The following FBLN2 variants were observed in gnomAD, a reference collection of about 807,000 sequenced individuals.
The protein encoded by FBLN2 is fibulin-2.
Under a neutral mutation model 123.7 loss-of-function variants are expected in FBLN2, and 81 were observed. The ratio of observed to expected loss-of-function variants is 0.65; its 90% confidence interval spans 0.55 to 0.79. FBLN2 has a LOEUF of 0.79. Among genes scored for constraint, FBLN2 ranks in the 30% least tolerant of loss-of-function variants. The pLI, the probability that FBLN2 is intolerant of heterozygous loss-of-function variation, is 0.00. For missense variants in FBLN2, 1,603 were observed against 1,681.3 expected (o/e 0.95, Z 0.81); for synonymous variants, 699 against 701.4 (o/e 1.00, Z 0.05).
intron 2 of FBLN2, among the ~76,000 whole-genome samples, chr3:13,582,541 C>T (rs1354528034): frequency 3.9e-5 from 6 of 152,200 alleles, no homozygotes; most frequent in African/African-American, 9.7e-5. Context: ...GTCCACTCCT[C>T]GGCCTCCATG....
intron 9 of FBLN2, among the ~76,000 whole-genome samples, chr3:13,623,247 C>T (rs573995024): frequency 6.6e-6 from 1 of 152,320 alleles, no homozygotes; most frequent in South Asian, 2.1e-4. Context: ...CGGATCCCAC[C>T]AGGGCCCACG....
rs113888133 is a variant in FBLN2 at position 13,630,610 on chromosome 3, T to C, written c.2969-89T>C. ...TCAACCCCAGTCCAGGCCGGGGAGCTTGGTGGGCCTGGCTGTCAGACAGCA... is the reference window on the plus strand; with the variant it reads ...TCAACCCCAGTCCAGGCCGGGGAGCCTGGTGGGCCTGGCTGTCAGACAGCA... On this transcript the variant is annotated intron_variant, in intron 14 of 17. Transcript: ENST00000404922. 1.8e-3 allele frequency: 1,927 copies of C among 1,094,196 alleles called. 32 individuals are homozygous for C. In the African/African-American group the frequency reaches 0.027, roughly 15 times the overall value. 67.8% of individuals were successfully genotyped at this position (1,094,196 alleles called of 1,614,324 possible).
At chr3:13,586,133 G>A (rs1012912233) in intron 2 of FBLN2, among the ~76,000 whole-genome samples, 40 of 152,192 alleles carry the variant, frequency 2.6e-4, no homozygotes, top group African/African-American at 7.7e-4. Flanking sequence ...TGATGATCCT[G>A]ACCCTGTGTA....
chr3:13,603,807 G>A (rs1705117448), intron 2 of FBLN2, among the ~76,000 whole-genome samples: 1 of 152,202 alleles, frequency 6.6e-6, no homozygotes, highest in South Asian at 2.1e-4. Context: ...CTGAGCAATC[G>A]CCATACTGTC....
chr3:13,599,270 A>AC (rs1443099615), intron 2 of FBLN2, among the ~76,000 whole-genome samples: 2 of 152,084 alleles, frequency 1.3e-5, no homozygotes, highest in African/African-American at 4.8e-5. Context: ...AGGAGGAGAG[A>AC]CCCCCAGAAA....
At chr3:13,581,063 A>G (rs9830334) in intron 2 of FBLN2, among the ~76,000 whole-genome samples, 13,058 of 152,230 alleles carry the variant, frequency 0.086, 1,033 homozygotes, top group East Asian at 0.31. Flanking sequence ...GATTAGAAAC[A>G]CACAGGTGTT....
intron 2 of FBLN2, among the ~76,000 whole-genome samples, chr3:13,584,895 G>A (rs1209265358): frequency 6.6e-6 from 1 of 152,244 alleles, no homozygotes; most frequent in African/African-American, 2.4e-5. Context: ...GAGATGCCAT[G>A]TTGGCGGTGG....
chr3:13,586,260 C>T (rs1409841199), intron 2 of FBLN2, among the ~76,000 whole-genome samples: 2 of 152,122 alleles, frequency 1.3e-5, no homozygotes, highest in African/African-American at 4.8e-5. Flanking sequence ...TCTCAGCTCA[C>T]TGCAACCTCT....
chr3:13,592,128 T>G (rs938958014), intron 2 of FBLN2, among the ~76,000 whole-genome samples: 7 of 151,098 alleles, frequency 4.6e-5, no homozygotes, highest in Non-Finnish European at 8.8e-5. Flanking sequence ...GTTCAAGCGA[T>G]CCTCCTTCTG....
At position 13,626,843 on chromosome 3, in the gene FBLN2, T is replaced by G. The variant is rs570725560; in HGVS notation, c.2431+264T>G. Among the ~76,000 whole-genome samples, 17 of 152,294 alleles carry G rather than the reference T, an allele frequency of 1.1e-4. No individual in the cohort carries two copies. The East Asian group carries it at 3.3e-3, about 29-fold the overall frequency. On this transcript the variant is annotated intron_variant, in intron 10 of 17. Transcript: ENST00000404922. The stretch of plus-strand genomic sequence containing the variant: ...CCACCCCGGCTTTGCTCCTGCCTGC[T>G]GGTGTCTGGGTGCCAGTTATCCCCC...
chr3:13,609,559 T>C lies in FBLN2; in HGVS notation c.1465T>C (p.Cys489Arg). The C allele has an allele frequency of 1.3e-6, 2 of 1,554,238 alleles. No homozygotes were observed. Among genetic ancestry groups the C allele is most frequent in the South Asian group, 1.2e-5 (1 of 84,108 alleles). The change falls in exon 4 of 18, where the codon TGC becomes CGC. Residue 489 changes from cysteine to arginine, a missense_variant. Cys to Arg is a radical substitution (Grantham distance 180, BLOSUM62 -3). Coordinates refer to ENST00000404922, the MANE Select transcript of FBLN2 (RefSeq NM_001004019.2). ...TGTCTCCTACTTGCAGGAGAAGAGC[T>C]GCATGGCCGGCGTCCTGGGAGCCAA... ...CCVSYLQEKS[C>R]MAGVLGAKEG...
intron 5 of FBLN2, among the ~76,000 whole-genome samples, chr3:13,614,939 T>TCCAC (rs1553621314): frequency 0.055 from 8,097 of 146,412 alleles, 346 homozygotes; most frequent in African/African-American, 0.11. Context: ...CATCCATCCA[T>TCCAC]CCACCCACCC....
chr3:13,605,655 A>G lies in FBLN2; in HGVS notation c.1307-2407A>G, dbSNP rs72624454. On this transcript the variant is annotated intron_variant, in intron 2 of 17. Transcript: ENST00000404922. ...CCCCTTTCCACAAATAACACTTGAC[A>G]TGGGCATCCTTGTACTGGTTGTGTT... Among the ~76,000 whole-genome samples, 782 of 152,236 alleles carry G rather than the reference A, an allele frequency of 5.1e-3. 41 individuals carry two copies. The East Asian group carries it at 0.13, about 25-fold the overall frequency.
At chr3:13,577,930 A>G (rs1225091667) in intron 2 of FBLN2, among the ~76,000 whole-genome samples, 2 of 152,158 alleles carry the variant, frequency 1.3e-5, no homozygotes, top group African/African-American at 4.8e-5. Flanking sequence ...GGAAGAGAAA[A>G]CTGTCATCTT....
chr3:13,585,723 G>A (rs754684767), intron 2 of FBLN2, among the ~76,000 whole-genome samples: 9 of 152,086 alleles, frequency 5.9e-5, no homozygotes, highest in East Asian at 1.9e-4. Flanking sequence ...CCCAGGAGGC[G>A]GAGGTTGCAA....
At chr3:13,633,651 C>T (rs1188597164) in intron 16 of FBLN2, among the ~76,000 whole-genome samples, 2 of 152,216 alleles carry the variant, frequency 1.3e-5, no homozygotes, top group Non-Finnish European at 2.9e-5. Flanking sequence ...TGGGGGGAGG[C>T]TGGCTTGGGG....
intron 1 of FBLN2, among the ~76,000 whole-genome samples, chr3:13,564,009 A>G (rs549289720): frequency 4.6e-5 from 7 of 152,168 alleles, no homozygotes; most frequent in Non-Finnish European, 1.0e-4. Context: ...TGTGCATCCA[A>G]ATTAGCCCAG....
intron 2 of FBLN2, among the ~76,000 whole-genome samples, chr3:13,591,567 C>T (rs538223231): frequency 3.3e-5 from 5 of 152,308 alleles, no homozygotes; most frequent in East Asian, 1.9e-4. Context: ...GGGTTACAGG[C>T]GTGAGCCACC....
intron 2 of FBLN2, among the ~76,000 whole-genome samples, chr3:13,597,013 C>G (rs1326208256): frequency 6.6e-6 from 1 of 152,040 alleles, no homozygotes; most frequent in Non-Finnish European, 1.5e-5. Flanking sequence ...CTCAATGCAG[C>G]CTTGACCTCC....
Sources: allele counts gnomAD v4.1 joint callset (sites outside exome capture counted in the v4.1 genomes callset), GRCh38; gene constraint gnomAD v4.1.1; transcripts MANE v1.5; gene names NCBI Gene and HGNC (gene_info 2026-07-23, HGNC 2026-07-21).